RNFT2: variants seen among roughly 807,000 people sequenced by gnomAD.
RNFT2 encodes the protein E3 ubiquitin-protein ligase RNFT2.
Under a neutral mutation model 53.0 loss-of-function variants are expected in RNFT2, and 36 were observed. That is an observed-to-expected ratio of 0.68 (90% CI 0.52 to 0.90). The LOEUF (loss-of-function observed/expected upper bound fraction) is 0.90, where lower values mean the gene tolerates loss of function less well. Ranked by LOEUF, RNFT2 falls within the 40% of genes least tolerant of loss-of-function variation. RNFT2 has a pLI of 0.00. For synonymous variants in RNFT2, 260 were observed against 253.2 expected, an observed-to-expected ratio of 1.03 and a Z score of -0.26; for missense variants, 514 against 585.6, an observed-to-expected ratio of 0.88 and a Z score of 1.26.
In RNFT2 at chr12:116,745,174, T is replaced by TTG. The variant is rs1871836057; in HGVS notation, c.83+4081_83+4082insGT. Among the ~76,000 whole-genome samples, 3 of 7,682 alleles carry TTG rather than the reference T, an allele frequency of 3.9e-4. No homozygotes were observed. The East Asian group carries it at 0.12, about 320-fold the overall frequency. The allele number at this position is 7,682 out of a possible 152,430, so 5.0% of individuals were successfully genotyped here. A position where few individuals can be genotyped will look rare whatever the true frequency, so the allele number is the denominator to read the frequency against. On this transcript the variant is annotated intron_variant, in intron 3 of 10. Transcript: ENST00000257575. ...CGTGAGTTTCCTCCATTGCACCAGA[T>TTG]TTTTTTTTTTTTTTTTTTGAGATAG...
chr12:116,805,584 C>T (rs933102062), intron 7 of RNFT2, among the ~76,000 whole-genome samples: 5 of 152,130 alleles, frequency 3.3e-5, no homozygotes, highest in South Asian at 2.1e-4. Flanking sequence ...CAGCAAGTCT[C>T]GTGCCTCAGC....
chr12:116,740,890 G>C (rs1871573589), intron 2 of RNFT2, 146 bp from the exon 3 acceptor site: 2 of 698,564 alleles, frequency 2.9e-6, no homozygotes, highest in Non-Finnish European at 5.1e-6. Flanking sequence ...TGGCATGAAA[G>C]ATTGAAACAT....
At chr12:116,755,538 C>A in intron 5 of RNFT2, 7 of 848,384 alleles carry the variant, frequency 8.3e-6, no homozygotes, top group Non-Finnish European at 1.4e-5. Context: ...TTTTTCTGAT[C>A]ATTTTCCTTC....
chr12:116,811,971 G>A (rs971095356), intron 7 of RNFT2, among the ~76,000 whole-genome samples: 9 of 152,192 alleles, frequency 5.9e-5, no homozygotes, highest in Non-Finnish European at 8.8e-5. Context: ...ATACCCTCGG[G>A]TGAGTGAGTT....
At chr12:116,779,171 T>C in intron 6 of RNFT2, 24 bp from the exon 7 acceptor site, 2 of 1,613,762 alleles carry the variant, frequency 1.2e-6, no homozygotes, top group South Asian at 1.1e-5. Context: ...GGGAACCTTC[T>C]GACTCTCTCA....
intron 7 of RNFT2, among the ~76,000 whole-genome samples, chr12:116,779,944 G>C (rs1873614257): frequency 6.6e-6 from 1 of 151,716 alleles, no homozygotes; most frequent in Admixed American, 6.6e-5. Context: ...GGTATCACCT[G>C]TAGGACATAG....
intron 5 of RNFT2, chr12:116,755,948 T>C (rs1872490630): frequency 2.2e-6 from 2 of 922,474 alleles, no homozygotes; most frequent in South Asian, 2.7e-5. Flanking sequence ...ACCAGTACCA[T>C]GCTGTTTTGG....
In RNFT2 at chr12:116,839,425, G is replaced by GTGGA. The variant is rs148543249; in HGVS notation, c.1200+3178_1200+3181dup. Among the ~76,000 whole-genome samples, 238 of 112,530 alleles carry GTGGA rather than the reference G, an allele frequency of 2.1e-3. 1 individual carries two copies. The South Asian group carries it at 0.024, about 11-fold the overall frequency. The allele number at this position is 112,530 out of a possible 152,430, so 73.8% of individuals were successfully genotyped here. On this transcript the variant is annotated intron_variant, in intron 10 of 10. Transcript: ENST00000257575. ...ATGGATGGATGGGATGGGTGGGTGG[G>GTGGA]TGGATGGATGGATGGATGGATGGAT... is the stretch of plus-strand genomic sequence containing the variant.
chr12:116,785,255 G>GTGTGTGTT (rs1294897362), intron 7 of RNFT2, among the ~76,000 whole-genome samples: 1 of 141,526 alleles, frequency 7.1e-6, no homozygotes, highest in African/African-American at 2.9e-5. Flanking sequence ...ACTTCTGTGT[G>GTGTGTGTT]TGTGTGTGTG....
In RNFT2 at chr12:116,780,317, G is replaced by A. The variant is rs117204594; in HGVS notation, c.882+969G>A. 3.3e-4 allele frequency among the ~76,000 whole-genome samples: 50 copies of A among 152,248 alleles called. No individual in the cohort carries two copies. The East Asian group carries it at 8.3e-3, about 25-fold the overall frequency. ...CACAGATCAGGGTGGGGATGGTTTC[G>A]GAATGAAACTGTTCCACTTCAGATC... On this transcript the variant is annotated intron_variant, in intron 7 of 10. Coordinates refer to ENST00000257575, the MANE Select transcript of RNFT2 (RefSeq NM_001382266.1).
Position 116,749,835 on chromosome 12 carries a change from A to G in RNFT2, c.84-6A>G. 2 of 1,567,098 alleles carry G rather than the reference A, an allele frequency of 1.3e-6. No homozygotes were observed. Among genetic ancestry groups the G allele is most frequent in the East Asian group, 4.7e-5 (2 of 42,392 alleles). On this transcript the variant is annotated splice_region_variant and splice_polypyrimidine_tract_variant and intron_variant, in intron 3 of 10. Transcript: ENST00000257575. The stretch of plus-strand genomic sequence containing the variant: ...TTCCTGGGGTTTCTCTCCCCTTGGC[A>G]CCCAGAAACCGCAGCCAGGCGCTCA...
chr12:116,788,981 GA>G (rs1874073968), intron 7 of RNFT2, among the ~76,000 whole-genome samples: 1 of 145,140 alleles, frequency 6.9e-6, no homozygotes, highest in African/African-American at 2.7e-5. Flanking sequence ...TGGATGGATG[GA>G]TGGGTAGATA....
intron 4 of RNFT2, among the ~76,000 whole-genome samples, chr12:116,751,603 C>CCA (rs1262580614): frequency 2.0e-5 from 3 of 151,770 alleles, no homozygotes; most frequent in Admixed American, 2.0e-4. Flanking sequence ...CGGGGTTTCA[C>CCA]CATGTTGGCC....
chr12:116,781,476 G>A (rs1276167489), intron 7 of RNFT2, among the ~76,000 whole-genome samples: 2 of 152,100 alleles, frequency 1.3e-5, no homozygotes, highest in African/African-American at 2.4e-5. Context: ...TATCGTTCTG[G>A]AGGTTAGGAG....
chr12:116,766,702 C>T (rs1035686969), intron 5 of RNFT2, 112 bp from the exon 6 acceptor site: 2 of 796,126 alleles, frequency 2.5e-6, no homozygotes, highest in African/African-American at 1.7e-5. Flanking sequence ...ACCTTCAGCA[C>T]CACTTCCTTC....
chr12:116,800,075 C>T (rs951256890), intron 7 of RNFT2, among the ~76,000 whole-genome samples: 1 of 152,184 alleles, frequency 6.6e-6, no homozygotes, highest in African/African-American at 2.4e-5. Flanking sequence ...CACACCTGCT[C>T]CCCCTTCACC....
At chr12:116,798,407 C>A (rs1014622685) in intron 7 of RNFT2, among the ~76,000 whole-genome samples, 7 of 152,132 alleles carry the variant, frequency 4.6e-5, no homozygotes, top group African/African-American at 1.7e-4. Context: ...TGGTTAAATG[C>A]ATGGACCCTG....
intron 10 of RNFT2, among the ~76,000 whole-genome samples, chr12:116,843,492 C>A (rs1350700436): frequency 3.9e-3 from 253 of 65,086 alleles, no homozygotes; most frequent in South Asian, 4.1e-3. Context: ...GACTGTGTCT[C>A]AAAAAAAAAA....
At chr12:116,765,015 A>T (rs930809684) in intron 5 of RNFT2, among the ~76,000 whole-genome samples, 1 of 152,174 alleles carries the variant, frequency 6.6e-6, no homozygotes, top group Non-Finnish European at 1.5e-5. Flanking sequence ...GTATCCATGG[A>T]CGGGCCTCCA....
Sources: gnomAD v4.1 joint callset for allele counts (sites outside exome capture counted in the v4.1 genomes callset) on GRCh38, gnomAD v4.1.1 for gene constraint, MANE v1.5 for transcripts, NCBI Gene and HGNC (gene_info 2026-07-23, HGNC 2026-07-21) for gene names.